Variants in SLC9C2 observed in about 807,000 individuals in gnomAD.
SLC9C2 encodes solute carrier family 9 member C2 (putative), also known as sodium/hydrogen exchanger 11.
In SLC9C2, 75 loss-of-function variants were observed where a neutral mutation model predicts 140.2. The ratio of observed to expected loss-of-function variants is 0.53; its 90% CI spans 0.44 to 0.65. The LOEUF (loss-of-function observed/expected upper bound fraction) is 0.65, where lower values mean the gene tolerates loss of function less well. Ranked by LOEUF, SLC9C2 falls within the 30% of genes least tolerant of loss-of-function variation. SLC9C2 has a pLI of 0.00. For synonymous variants in SLC9C2, 375 were observed against 420.9 expected, an observed-to-expected ratio of 0.89 and a Z score of 1.34; for missense variants, 1,074 against 1,331.8, an observed-to-expected ratio of 0.81 and a Z score of 3.01.
intron 18 of SLC9C2, among the ~76,000 whole-genome samples, chr1:173,529,447 T>TA (rs888080105): frequency 6.6e-6 from 1 of 151,888 alleles, no homozygotes; most frequent in Admixed American, 6.6e-5. Flanking sequence ...TCTTAAATGA[T>TA]AAAAAATAAA....
Position 173,507,002 on chromosome 1 carries a change from A to G in SLC9C2, c.3079T>C (p.Tyr1027His). ...FQNCVMFNQA[Y>H]VETLSSYSDM... Reference sequence around the variant, plus strand: ...CTATAGCTTGATAAAGTTTCCACATATGCTTGATTGAACATCACACAGTTC... The same window carrying G: ...CTATAGCTTGATAAAGTTTCCACATGTGCTTGATTGAACATCACACAGTTC... Residue 1027 changes from tyrosine to histidine, a missense_variant, in exon 25 of 28, where the codon TAT becomes CAT. Tyr to His is a moderately conservative substitution (Grantham distance 83). Transcript: ENST00000367714. 1.2e-6 allele frequency: 2 copies of G among 1,607,128 alleles called. No homozygotes were observed. Among genetic ancestry groups the G allele is most frequent in the Non-Finnish European group, 1.7e-6 (2 of 1,177,938 alleles).
chr1:173,582,156 G>C, intron 6 of SLC9C2, 148 bp from the exon 7 acceptor site: 1 of 552,828 alleles, frequency 1.8e-6, no homozygotes, highest in Non-Finnish European at 3.0e-6. Flanking sequence ...AGTGTCTTGT[G>C]AAAGTCTGGT....
intron 23 of SLC9C2, among the ~76,000 whole-genome samples, chr1:173,515,967 A>G (rs758051994): frequency 6.6e-6 from 1 of 152,100 alleles, no homozygotes; most frequent in Non-Finnish European, 1.5e-5. Context: ...GGCCCTATTC[A>G]TCTGGTTTGC....
At chr1:173,575,084 C>A (rs1665091723) in intron 8 of SLC9C2, among the ~76,000 whole-genome samples, 1 of 152,160 alleles carries the variant, frequency 6.6e-6, no homozygotes, top group East Asian at 1.9e-4. Context: ...AGTGCCATTG[C>A]CCCTCAGCCT....
intron 23 of SLC9C2, among the ~76,000 whole-genome samples, chr1:173,511,387 C>T (rs561974704): frequency 2.0e-5 from 3 of 151,892 alleles, no homozygotes; most frequent in Non-Finnish European, 4.4e-5. Flanking sequence ...TATTTCATTG[C>T]GGTTTTGATT....
intron 9 of SLC9C2, among the ~76,000 whole-genome samples, chr1:173,568,673 A>G (rs568270499): frequency 7.6e-4 from 115 of 152,310 alleles, no homozygotes; most frequent in Middle Eastern, 3.4e-3. Context: ...GCCAAATGGC[A>G]GTTCCTCTTT....
chr1:173,526,018 A>G (rs920472712), intron 19 of SLC9C2, among the ~76,000 whole-genome samples: 5 of 152,194 alleles, frequency 3.3e-5, no homozygotes, highest in Admixed American at 3.3e-4. Context: ...ATGAATATGA[A>G]ATGGTTTTAC....
intron 25 of SLC9C2, 75 bp from the exon 26 acceptor site, chr1:173,505,406 A>G (rs1316071870): frequency 8.7e-7 from 1 of 1,146,786 alleles, no homozygotes; most frequent in African/African-American, 1.5e-5. Context: ...AATCTTTCCA[A>G]AGAGTATAAA....
chr1:173,536,211 C>G (rs1344705136), intron 14 of SLC9C2, among the ~76,000 whole-genome samples: 1 of 152,078 alleles, frequency 6.6e-6, no homozygotes, highest in African/African-American at 2.4e-5. Flanking sequence ...AGTTTGGAAT[C>G]AAGCTTTCCT....
intron 7 of SLC9C2, among the ~76,000 whole-genome samples, chr1:173,579,938 C>A (rs1311143175): frequency 6.6e-6 from 1 of 152,176 alleles, no homozygotes; most frequent in Non-Finnish European, 1.5e-5. Flanking sequence ...GATGATGCCA[C>A]ACATTGACTG....
intron 2 of SLC9C2, 38 bp from the exon 3 acceptor site, chr1:173,600,255 A>C (rs1467104408): frequency 1.4e-6 from 2 of 1,460,912 alleles, no homozygotes; most frequent in Non-Finnish European, 1.9e-6. Flanking sequence ...TGAGTACTCG[A>C]AGTACAGTTT....
chr1:173,511,801 T>C (rs1273308277), intron 23 of SLC9C2, among the ~76,000 whole-genome samples: 1 of 152,228 alleles, frequency 6.6e-6, no homozygotes, highest in African/African-American at 2.4e-5. Context: ...CATGTAAGTC[T>C]TTAATCCATC....
At chr1:173,571,434 C>T (rs1664837833) in intron 9 of SLC9C2, 1 of 152,192 alleles carries the variant, frequency 6.6e-6, no homozygotes, top group Admixed American at 6.5e-5. Context: ...AGTCTTTCCC[C>T]CCATCTGCCT....
chr1:173,583,557 T>A lies in SLC9C2; in HGVS notation c.589A>T (p.Ile197Phe). ...ESLIICSIAS[I>F]FFGNFRGNRI... ...TTGCCCCGAAAATTTCCAAAAAAAATTGATGCGATGCTACAAATGATCAAT... is the reference window on the plus strand; with the variant it reads ...TTGCCCCGAAAATTTCCAAAAAAAAATGATGCGATGCTACAAATGATCAAT... The change falls in exon 6 of 28, where the codon ATT becomes TTT. Residue 197 changes from isoleucine (I) to phenylalanine (F), a missense_variant. Transcript: ENST00000367714. 1.9e-6 allele frequency: 3 copies of A among 1,610,538 alleles called. No individual in the cohort carries two copies. The highest frequency in any genetic ancestry group is 1.7e-5 in the Admixed American group (1 of 59,664).
chr1:173,517,579 C>A lies in SLC9C2; in HGVS notation c.2865G>T (p.Lys955Asn). 1.9e-6 allele frequency: 3 copies of A among 1,613,280 alleles called. No homozygotes were observed. Among genetic ancestry groups the A allele is most frequent in the Non-Finnish European group, 2.5e-6 (3 of 1,179,808 alleles). ...DIIGELSCLL[K>N]REIEYTVICE... ...AGATGACGGTATATTCAATTTCACG[C>A]TTAAGCAGACAGCTTAGCTCTCCAA... Residue 955 changes from lysine to asparagine, a missense_variant, in exon 23 of 28, where the codon AAG becomes AAT. Transcript: ENST00000367714.
intron 19 of SLC9C2, among the ~76,000 whole-genome samples, chr1:173,526,111 A>C (rs1661174842): frequency 6.6e-6 from 1 of 152,112 alleles, no homozygotes; most frequent in Non-Finnish European, 1.5e-5. Context: ...GCACACACTG[A>C]CAGCCTGGCC....
Position 173,524,039 on chromosome 1 carries a change from G to A in SLC9C2, c.2570C>T (p.Pro857Leu), listed in dbSNP as rs1326301945. 6.2e-7 allele frequency: 1 copy of A among 1,613,478 alleles called. No homozygotes were observed. The highest frequency in any genetic ancestry group is 2.2e-5 in the East Asian group (1 of 44,860). The change falls in exon 21 of 28, where the codon CCA becomes CTA. Residue 857 changes from proline (P) to leucine (L), a missense_variant. Physicochemically the swap from Pro to Leu is moderately conservative, Grantham distance 98. Transcript: ENST00000367714. ...GTTGTGAAGGTATATGTCAGGAGTTGGGGGTGGGATTGCCTTTGGAAAGTT... is the reference window on the plus strand; with the variant it reads ...GTTGTGAAGGTATATGTCAGGAGTTAGGGGTGGGATTGCCTTTGGAAAGTT... ...LNNFPKAIPP[P>L]TPDIYLHNII...
At chr1:173,570,370 G>A (rs548159312) in intron 9 of SLC9C2, among the ~76,000 whole-genome samples, 16 of 152,204 alleles carry the variant, frequency 1.1e-4, no homozygotes, top group African/African-American at 2.9e-4. Context: ...TGAACTGGGG[G>A]CCTCAAAACT....
chr1:173,576,686 GTTTAAAAGTTAAAGAAT>G lies in SLC9C2; in HGVS notation c.860_876del (p.Asp287AlafsTer9). On this transcript the variant is annotated frameshift_variant, in exon 8 of 28. Coordinates refer to ENST00000367714, the MANE Select transcript of SLC9C2 (RefSeq NM_178527.4). LOFTEE classifies it high-confidence loss of function. ...TTAGTAATTACAAGTTCGATCTTCGGTTTAAAAGTTAAAGAATCTAAATTCAGTCCTACAGCGGCTAA... is the reference window on the plus strand; with the variant it reads ...TTAGTAATTACAAGTTCGATCTTCGGCTAAATTCAGTCCTACAGCGGCTAA... 1 of 1,611,352 alleles carries G rather than the reference GTTTAAAAGTTAAAGAAT, an allele frequency of 6.2e-7. No individual in the cohort carries two copies. Among genetic ancestry groups the G allele is most frequent in the Non-Finnish European group, 8.5e-7 (1 of 1,179,164 alleles).
Sources: allele counts gnomAD v4.1 joint callset (sites outside exome capture counted in the v4.1 genomes callset), GRCh38; gene constraint gnomAD v4.1.1; transcripts MANE v1.5; gene names NCBI Gene and HGNC (gene_info 2026-07-23, HGNC 2026-07-21).